The following RSPH14 variants were observed in gnomAD, a reference collection of about 807,000 sequenced individuals.
The protein encoded by RSPH14 is rhabdoid tumor deletion region gene 1.
Under a neutral mutation model 26.7 loss-of-function variants are expected in RSPH14, and 20 were observed. The ratio of observed to expected loss-of-function variants is 0.75; its 90% CI spans 0.53 to 1.09. The LOEUF (loss-of-function observed/expected upper bound fraction) is 1.09, where lower values mean the gene tolerates loss of function less well. RSPH14 is among the 50% of genes least tolerant of loss of function. RSPH14 has a pLI of 0.00. For missense variants in RSPH14, 449 were observed against 457.2 expected, an observed-to-expected ratio of 0.98 and a Z score of 0.16; for synonymous variants, 177 against 189.3, an observed-to-expected ratio of 0.93 and a Z score of 0.53.
In RSPH14 at chr22:23,088,791, C is replaced by T. The variant is rs534582144; in HGVS notation, c.422-24658G>A. ...TATCTGGGGAGGGCTGGGAGCCCAT[C>T]GGGCATTAGGGGTGTGGCCTTGCTC... On this transcript the variant is annotated intron_variant, in intron 4 of 6. Transcript: ENST00000216036. Among the ~76,000 whole-genome samples the T allele has an allele frequency of 1.4e-3, 208 of 152,246 alleles. 1 individual carries two copies. The highest frequency in any genetic ancestry group is 2.6e-3 in the African/African-American group (108 of 41,540).
intron 4 of RSPH14, among the ~76,000 whole-genome samples, chr22:23,102,006 T>C (rs2069315552): frequency 1.3e-5 from 2 of 152,334 alleles, no homozygotes; most frequent in Admixed American, 1.3e-4. Flanking sequence ...ACTGGAGCGA[T>C]GGGGCCAGCC....
At chr22:23,096,820 A>G (rs911318670) in intron 4 of RSPH14, among the ~76,000 whole-genome samples, 12 of 152,250 alleles carry the variant, frequency 7.9e-5, no homozygotes, top group Non-Finnish European at 1.8e-4. Flanking sequence ...AGATGGGGTT[A>G]AGAGCTGTTT....
the RSPH14 span, chr22:23,160,979 C>T: frequency 2.7e-5 from 44 of 1,612,034 alleles, no homozygotes; most frequent in African/African-American, 5.3e-5. Context: ...GGCTCCAGGT[C>T]GGCAATGGAG....
At chr22:23,097,631 T>C (rs991258520) in intron 4 of RSPH14, among the ~76,000 whole-genome samples, 12 of 152,262 alleles carry the variant, frequency 7.9e-5, no homozygotes, top group Non-Finnish European at 1.6e-4. Context: ...TGTGTATCTG[T>C]GTGCTCTCCA....
At chr22:23,162,728 C>T in the RSPH14 span, 1 of 456,252 alleles carries the variant, frequency 2.2e-6, no homozygotes, top group South Asian at 1.5e-5. Context: ...TGTTGCTTCC[C>T]GTAGATGGCG....
the RSPH14 span, among the ~76,000 whole-genome samples, chr22:23,159,700 C>A: frequency 6.6e-6 from 1 of 152,218 alleles, no homozygotes; most frequent in Non-Finnish European, 1.5e-5. Context: ...CCCTGAAATG[C>A]CAGGCATGTG....
chr22:23,177,007 A>G, the RSPH14 span, among the ~76,000 whole-genome samples: 1 of 152,228 alleles, frequency 6.6e-6, no homozygotes, highest in Admixed American at 6.5e-5. Flanking sequence ...TGGTACTGGC[A>G]AGTTCTATCG....
upstream of RSPH14, among the ~76,000 whole-genome samples, chr22:23,143,374 T>G (rs1253149817): frequency 6.6e-6 from 1 of 151,912 alleles, no homozygotes; most frequent in East Asian, 1.9e-4. Flanking sequence ...GGCAAACAGA[T>G]ATGCTTCTTT....
chr22:23,100,122 T>C (rs969364531), intron 4 of RSPH14, among the ~76,000 whole-genome samples: 2 of 152,148 alleles, frequency 1.3e-5, no homozygotes, highest in Non-Finnish European at 2.9e-5. Context: ...CTGTGCAGGC[T>C]CAAGGCTCAG....
chr22:23,159,004 T>C, the RSPH14 span: 6 of 1,611,374 alleles, frequency 3.7e-6, no homozygotes, highest in African/African-American at 1.3e-5. Flanking sequence ...ACTGGTGGTC[T>C]GGGTGGCCCT....
At chr22:23,158,026 G>C in the RSPH14 span, 1 of 1,614,196 alleles carries the variant, frequency 6.2e-7, no homozygotes, top group Middle Eastern at 1.7e-4. Flanking sequence ...CTGACGTGCA[G>C]ACCCTGGAGC....
chr22:23,179,997 T>G, the RSPH14 span: 27 of 338,948 alleles, frequency 8.0e-5, no homozygotes, highest in South Asian at 2.9e-4. Flanking sequence ...TGGTGGCCTC[T>G]GACACGACGA....
At chr22:23,103,615 C>T (rs2069370091) in intron 4 of RSPH14, among the ~76,000 whole-genome samples, 1 of 152,176 alleles carries the variant, frequency 6.6e-6, no homozygotes, top group Non-Finnish European at 1.5e-5. Flanking sequence ...TAAGAGAATC[C>T]TACTCCACAG....
the RSPH14 span, among the ~76,000 whole-genome samples, chr22:23,150,426 C>T: frequency 3.3e-5 from 5 of 151,920 alleles, no homozygotes; most frequent in East Asian, 3.9e-4. Flanking sequence ...CTCAGCCTCC[C>T]GAGTAGCGGG....
intron 4 of RSPH14, among the ~76,000 whole-genome samples, chr22:23,078,232 A>G (rs1215092799): frequency 6.6e-6 from 1 of 152,248 alleles, no homozygotes; most frequent in East Asian, 1.9e-4. Flanking sequence ...AAAAATAATT[A>G]GAGTGTTGCC....
chr22:23,179,887 G>A, the RSPH14 span: 1 of 233,782 alleles, frequency 4.3e-6, no homozygotes, highest in Non-Finnish European at 8.2e-6. Context: ...AGGCTGGTGA[G>A]AGGCCAGGCT....
the RSPH14 span, chr22:23,179,978 T>C: frequency 4.1e-5 from 13 of 320,394 alleles, no homozygotes; most frequent in Non-Finnish European, 5.8e-5. Context: ...GTCTTGCAGA[T>C]GCCCACGATG....
the RSPH14 span, chr22:23,152,592 G>A: frequency 2.9e-4 from 437 of 1,484,386 alleles, no homozygotes; most frequent in Non-Finnish European, 2.1e-4. Context: ...CTTTGCCTGG[G>A]TGGCCCAGAT....
intron 4 of RSPH14, among the ~76,000 whole-genome samples, chr22:23,125,879 GACCT>G (rs1268615296): frequency 6.6e-6 from 1 of 151,966 alleles, no homozygotes; most frequent in African/African-American, 2.4e-5. Flanking sequence ...CTCAAAGCAG[GACCT>G]CAAGCAAAGT....
Sources: allele counts gnomAD v4.1 joint callset (sites outside exome capture counted in the v4.1 genomes callset), GRCh38; gene constraint gnomAD v4.1.1; transcripts MANE v1.5; gene names NCBI Gene and HGNC (gene_info 2026-07-23, HGNC 2026-07-21).